Variants in EDEM2 observed in about 807,000 individuals in gnomAD.
The protein encoded by EDEM2 is ER degradation enhancing alpha-mannosidase like protein 2.
Under a neutral mutation model 64.8 loss-of-function variants are expected in EDEM2, and 39 were observed. That is an observed-to-expected ratio of 0.60 (90% CI 0.47 to 0.79). The LOEUF (loss-of-function observed/expected upper bound fraction) is 0.79, where lower values mean the gene tolerates loss of function less well. Among genes scored for constraint, EDEM2 ranks in the 30% least tolerant of loss-of-function variants. The pLI is 0.00. For synonymous variants in EDEM2, 296 were observed against 291.5 expected, an observed-to-expected ratio of 1.02 and a Z score of -0.16; for missense variants, 609 against 731.3, an observed-to-expected ratio of 0.83 and a Z score of 1.93.
rs747948905 is a variant in EDEM2 at position 35,115,730 on chromosome 20, G to A, written c.1440C>T (p.Ile480=). Residue 480 remains isoleucine, a synonymous_variant, in exon 11 of 11, where the codon ATC becomes ATT. Transcript: ENST00000374492. ...GYIFNTEAHP[I]DPAALHCCQR... is the part of the protein sequence containing the mutation. ...GGCAGCAGTGCAGGGCGGCAGGGTC[G>A]ATGGGGTGAGCTTCTGTGTTGAAGA... 5.6e-6 allele frequency: 9 copies of A among 1,614,096 alleles called. No homozygotes were observed. The highest frequency in any genetic ancestry group is 3.3e-5 in the South Asian group (3 of 91,084).
intron 10 of EDEM2, chr20:35,118,357 C>A: frequency 2.0e-6 from 1 of 500,856 alleles, no homozygotes. Context: ...ATGCCAAGGG[C>A]CGGGGTCAAG....
chr20:35,147,316 C>T lies in EDEM2; in HGVS notation c.-58G>A. ...GCAGCAGCCACTGCAACCAGTTCAT[C>T]CTGGGAGCTGCTGCGGGTTCTTCCG... On this transcript the variant is annotated 5_prime_UTR_variant, in exon 1 of 11. Coordinates refer to ENST00000374492, the MANE Select transcript of EDEM2 (RefSeq NM_018217.3). 7.1e-6 allele frequency: 10 copies of T among 1,413,922 alleles called. No individual in the cohort carries two copies. The highest frequency in any genetic ancestry group is 1.5e-5 in the South Asian group (1 of 64,788). The allele number at this position is 1,413,922 out of a possible 1,614,324, so 87.6% of individuals were successfully genotyped here.
intron 6 of EDEM2, among the ~76,000 whole-genome samples, chr20:35,132,921 CGCG>C (rs1431945075): frequency 2.6e-5 from 4 of 152,122 alleles, no homozygotes; most frequent in African/African-American, 9.7e-5. Context: ...CTAACTGTTC[CGCG>C]TTGGTTTGTG....
Position 35,134,835 on chromosome 20 carries a change from A to C in EDEM2, c.605T>G (p.Phe202Cys), listed in dbSNP as rs1340245743. 1 of 1,614,134 alleles carries C rather than the reference A, an allele frequency of 6.2e-7. No homozygotes were observed. Among genetic ancestry groups the C allele is most frequent in the Admixed American group, 1.7e-5 (1 of 60,016 alleles). ...TAGIGTFIVE[F>C]ATLSSLTGDP... ...ACCAGTGAGGCTGCTCAGGGTGGCA[A>C]ATTCAACAATGAAGGTCCCAATCCC... is the stretch of plus-strand genomic sequence containing the variant. Residue 202 changes from phenylalanine to cysteine, a missense_variant, in exon 6 of 11, where the codon TTT becomes TGT. Physicochemically the swap from Phe to Cys is radical, Grantham distance 205. Coordinates refer to ENST00000374492, the MANE Select transcript of EDEM2 (RefSeq NM_018217.3).
chr20:35,146,300 T>C (rs1011609343), intron 2 of EDEM2, among the ~76,000 whole-genome samples: 1 of 152,150 alleles, frequency 6.6e-6, no homozygotes, highest in East Asian at 1.9e-4. Flanking sequence ...AGCACATTCG[T>C]GTGTAAAACA....
intron 4 of EDEM2, among the ~76,000 whole-genome samples, chr20:35,141,587 AC>A (rs1440280707): frequency 1.3e-5 from 2 of 152,186 alleles, no homozygotes; most frequent in African/African-American, 4.8e-5. Flanking sequence ...CAGAAAACAT[AC>A]AAAATAATGG....
intron 9 of EDEM2, among the ~76,000 whole-genome samples, chr20:35,120,209 T>C (rs2085352275): frequency 6.6e-6 from 1 of 152,178 alleles, no homozygotes; most frequent in Non-Finnish European, 1.5e-5. Flanking sequence ...ATTACAGGCA[T>C]GCGCCACCAG....
At chr20:35,146,156 T>C (rs1446407080) in intron 2 of EDEM2, among the ~76,000 whole-genome samples, 1 of 152,168 alleles carries the variant, frequency 6.6e-6, no homozygotes, top group Non-Finnish European at 1.5e-5. Flanking sequence ...AGTTAATAGT[T>C]GGAATTCTAG....
intron 4 of EDEM2, 127 bp from the exon 5 acceptor site, chr20:35,138,132 A>G (rs2146109179): frequency 1.5e-6 from 2 of 1,313,094 alleles, no homozygotes; most frequent in Non-Finnish European, 2.1e-6. Context: ...GACCTCCTGA[A>G]GCTATTTCAC....
At chr20:35,131,318 A>G (rs973100824) in intron 7 of EDEM2, among the ~76,000 whole-genome samples, 3 of 152,228 alleles carry the variant, frequency 2.0e-5, no homozygotes, top group African/African-American at 7.2e-5. Context: ...TGGGAGGCCA[A>G]GGCGGGCAGA....
intron 2 of EDEM2, among the ~76,000 whole-genome samples, chr20:35,145,925 C>A (rs1241326987): frequency 1.4e-5 from 2 of 148,012 alleles, no homozygotes; most frequent in East Asian, 3.9e-4. Context: ...TCGCTTGAAG[C>A]CAGGAGGCGG....
At chr20:35,123,049 G>A (rs564947089) in intron 9 of EDEM2, among the ~76,000 whole-genome samples, 1 of 152,128 alleles carries the variant, frequency 6.6e-6, no homozygotes, top group Non-Finnish European at 1.5e-5. Context: ...AATGACATTA[G>A]GGCTAGAAAG....
intron 10 of EDEM2, among the ~76,000 whole-genome samples, chr20:35,116,806 T>TA (rs2085314585): frequency 6.6e-6 from 1 of 151,992 alleles, no homozygotes; most frequent in Admixed American, 6.6e-5. Flanking sequence ...TTTTTTTTTT[T>TA]AGAGATGGAG....
chr20:35,135,349 G>A (rs903911355), intron 5 of EDEM2, among the ~76,000 whole-genome samples: 3 of 152,172 alleles, frequency 2.0e-5, no homozygotes, highest in African/African-American at 4.8e-5. Context: ...AATGACAAGA[G>A]TAAGCCCCGT....
rs756751857 is a variant in EDEM2 at position 35,147,183 on chromosome 20, C to T, written c.76G>A (p.Asp26Asn). The change falls in exon 1 of 11, where the codon GAC becomes AAC. Residue 26 changes from aspartate to asparagine, a missense_variant. By Grantham distance (23) the Asp-to-Asn change is conservative. Transcript: ENST00000374492. ...TGGGCGGGATCTGGCGCGGAGCCGT[C>T]GGGACCTGGCGCACCATGGTGCTGA... The part of the protein sequence containing the change: ...LPQHHGAPGP[D>N]GSAPDPAHYR... 6.9e-6 allele frequency: 11 copies of T among 1,602,232 alleles called. No individual in the cohort carries two copies. Among genetic ancestry groups the T allele is most frequent in the Admixed American group, 5.1e-5 (3 of 58,614 alleles).
Position 35,126,290 on chromosome 20 carries a change from T to A in EDEM2, c.930A>T (p.Pro310=). The A allele has an allele frequency of 6.2e-7, 1 of 1,614,060 alleles. No homozygotes were observed. The highest frequency in any genetic ancestry group is 2.2e-5 in the East Asian group (1 of 44,886). The change falls in exon 8 of 11, where the codon CCA becomes CCT. Residue 310 remains proline (P), a synonymous_variant. Coordinates refer to ENST00000374492, the MANE Select transcript of EDEM2 (RefSeq NM_018217.3). ...AGTAGGCCTCCAAGGACTGGAAGAC[T>A]GGCATGGACACAGTCCCCTTGTACA... ...VQMYKGTVSM[P]VFQSLEAYWP...
Position 35,118,711 on chromosome 20 carries a change from C to A in EDEM2, c.1123G>T (p.Glu375Ter), listed in dbSNP as rs1469863931. ...GCACGGTAGAGGTACATTGCGCTTT[C>A]AATAAGTTCTGCAAAGTCCAAAGCA... ...EGYPLRPELI[E>*]SAMYLYRATG... The change falls in exon 10 of 11, where the codon GAA becomes TAA. Residue 375 changes from glutamate (E) to a stop codon, truncating the protein, a stop_gained. Coordinates refer to ENST00000374492, the MANE Select transcript of EDEM2 (RefSeq NM_018217.3). LOFTEE classifies it high-confidence loss of function. 6.2e-7 allele frequency: 1 copy of A among 1,612,294 alleles called. No homozygotes were observed.
chr20:35,134,604 TGG>T, intron 6 of EDEM2, 132 bp downstream of exon 6: 1 of 933,106 alleles, frequency 1.1e-6, no homozygotes, highest in Admixed American at 2.6e-5. Context: ...GGTCTATTTT[TGG>T]TGTCCTGAGC....
chr20:35,130,643 C>T (rs1452829288), intron 7 of EDEM2, among the ~76,000 whole-genome samples: 1 of 152,204 alleles, frequency 6.6e-6, no homozygotes, highest in Non-Finnish European at 1.5e-5. Flanking sequence ...GCGTGAGCCA[C>T]TGCACCCAGC....
Sources: gnomAD v4.1 joint callset for allele counts (sites outside exome capture counted in the v4.1 genomes callset) on GRCh38, gnomAD v4.1.1 for gene constraint, MANE v1.5 for transcripts, NCBI Gene and HGNC (gene_info 2026-07-23, HGNC 2026-07-21) for gene names.